The following EPB41L4A variants were observed in gnomAD, a reference collection of about 807,000 sequenced individuals.
EPB41L4A encodes erythrocyte membrane protein band 4.1 like 4A.
EPB41L4A carries 100 observed loss-of-function variants against 108.6 expected under a neutral mutation model. The ratio of observed to expected loss-of-function variants is 0.92; its 90% CI spans 0.78 to 1.09. The LOEUF (loss-of-function observed/expected upper bound fraction) is 1.09, where lower values mean the gene tolerates loss of function less well. EPB41L4A is among the 50% of genes least tolerant of loss of function. The pLI is 0.00. For missense variants in EPB41L4A, 1,030 were observed against 842.7 expected (o/e 1.22, Z -2.75); for synonymous variants, 319 against 289.0 (o/e 1.10, Z -1.05).
chr5:112,170,284 T>C lies in EPB41L4A; in HGVS notation c.1739+17A>G. On this transcript the variant is annotated intron_variant, in intron 20 of 22. Transcript: ENST00000261486. ...CACTAATAAAGCTTTGGTGAGAAGA[T>C]TCTGAAAGGCACTCACTCTATTTTA... The C allele has an allele frequency of 6.2e-7, 1 of 1,610,730 alleles. No individual in the cohort carries two copies. Among genetic ancestry groups the C allele is most frequent in the East Asian group, 2.2e-5 (1 of 44,820 alleles).
intron 1 of EPB41L4A, among the ~76,000 whole-genome samples, chr5:112,349,340 C>T (rs1757887104): frequency 6.6e-6 from 1 of 151,908 alleles, no homozygotes; most frequent in South Asian, 2.1e-4. Context: ...GAGAAGTGAA[C>T]CTTGGAAAGA....
chr5:112,165,005 G>A lies in EPB41L4A; in HGVS notation c.2046C>T (p.Leu682=). 6.2e-7 allele frequency: 1 copy of A among 1,613,682 alleles called. No homozygotes were observed. The highest frequency in any genetic ancestry group is 8.5e-7 in the Non-Finnish European group (1 of 1,179,900). The part of the protein sequence containing the change: ...KTIKTIQASR[L]KTET Reference sequence around the variant, plus strand: ...TTCATCAGGATCAAGTCTCTGTCTTGAGGCGGGAAGCTTGTATAGTTTTTA... The same window carrying A: ...TTCATCAGGATCAAGTCTCTGTCTTAAGGCGGGAAGCTTGTATAGTTTTTA... The change falls in exon 23 of 23, where the codon CTC becomes CTT. Residue 682 remains leucine (L), a synonymous_variant. Transcript: ENST00000261486.
At chr5:112,378,793 C>T (rs376360557) in intron 1 of EPB41L4A, among the ~76,000 whole-genome samples, 89 of 152,302 alleles carry the variant, frequency 5.8e-4, no homozygotes, top group Non-Finnish European at 8.5e-4. Context: ...ACTGAACATA[C>T]AGTCGTTATT....
At chr5:112,213,533 G>C (rs911996391) in intron 12 of EPB41L4A, among the ~76,000 whole-genome samples, 1 of 152,084 alleles carries the variant, frequency 6.6e-6, no homozygotes, top group African/African-American at 2.4e-5. Context: ...ATTTTTAGTA[G>C]AGATGGGGTT....
In EPB41L4A at chr5:112,203,219, G is replaced by A. The variant is rs1010050771; in HGVS notation, c.1376+1156C>T. Among the ~76,000 whole-genome samples, 42 of 152,108 alleles carry A rather than the reference G, an allele frequency of 2.8e-4. 1 individual carries two copies. Among genetic ancestry groups the A allele is most frequent in the African/African-American group, 1.0e-3 (42 of 41,474 alleles). ...AAAAATAAAAAAATTAGCCGGGCCT[G>A]ATGGCGCATGCCTGTAATCCCAGCT... On this transcript the variant is annotated intron_variant, in intron 15 of 22. Transcript: ENST00000261486.
chr5:112,388,435 T>G (rs1379312843), intron 1 of EPB41L4A, among the ~76,000 whole-genome samples: 2 of 152,160 alleles, frequency 1.3e-5, no homozygotes, highest in Admixed American at 6.5e-5. Context: ...GTTTTTAACT[T>G]TATCCAAACT....
In EPB41L4A at chr5:112,215,116, G is replaced by A. The variant is rs1297607238; in HGVS notation, c.1088-5134C>T. On this transcript the variant is annotated intron_variant, in intron 12 of 22. Coordinates refer to ENST00000261486, the MANE Select transcript of EPB41L4A (RefSeq NM_022140.5). ...TCTGTTTCTACCATTTTTGCCACTA[G>A]AGAGGAAAATTCAGGATAATGATCT... Among the ~76,000 whole-genome samples, 16 of 152,142 alleles carry A rather than the reference G, an allele frequency of 1.1e-4. No homozygotes were observed. The South Asian group carries it at 3.1e-3, about 30-fold the overall frequency.
At chr5:112,384,118 T>C (rs1760345289) in intron 1 of EPB41L4A, among the ~76,000 whole-genome samples, 2 of 152,202 alleles carry the variant, frequency 1.3e-5, no homozygotes, top group East Asian at 1.9e-4. Flanking sequence ...ATGGGGGTGA[T>C]AGCTAAAGGA....
chr5:112,364,886 ATG>A (rs1468162362), intron 1 of EPB41L4A, among the ~76,000 whole-genome samples: 1 of 152,254 alleles, frequency 6.6e-6, no homozygotes, highest in East Asian at 1.9e-4. Context: ...TTAGGTCTAA[ATG>A]TAATTTATTA....
At chr5:112,202,712 T>C (rs897269140) in intron 15 of EPB41L4A, among the ~76,000 whole-genome samples, 7 of 151,994 alleles carry the variant, frequency 4.6e-5, no homozygotes, top group Non-Finnish European at 5.9e-5. Flanking sequence ...TCAGTGAAGT[T>C]GAACTTGGTT....
chr5:112,279,497 G>C (rs905615616), intron 3 of EPB41L4A, among the ~76,000 whole-genome samples: 2 of 152,172 alleles, frequency 1.3e-5, no homozygotes, highest in African/African-American at 2.4e-5. Flanking sequence ...AAATGTTTTG[G>C]AGATGGACAG....
intron 1 of EPB41L4A, among the ~76,000 whole-genome samples, chr5:112,377,215 G>GGAAA (rs796162950): frequency 1.9e-4 from 19 of 101,714 alleles, no homozygotes; most frequent in African/African-American, 6.4e-4. Flanking sequence ...CTGTTTGTTT[G>GGAAA]AAAAAAAAAA....
intron 1 of EPB41L4A, among the ~76,000 whole-genome samples, chr5:112,396,974 T>C (rs1031056607): frequency 6.6e-6 from 1 of 152,220 alleles, no homozygotes; most frequent in Non-Finnish European, 1.5e-5. Flanking sequence ...TACATGTGCA[T>C]GTTTGATTCA....
At chr5:112,199,868 C>A (rs1177367072) in intron 15 of EPB41L4A, among the ~76,000 whole-genome samples, 2 of 152,188 alleles carry the variant, frequency 1.3e-5, no homozygotes, top group Non-Finnish European at 2.9e-5. Flanking sequence ...CACCTTGGTC[C>A]ATGCTCCCAT....
At chr5:112,291,680 A>G (rs1037421376) in intron 2 of EPB41L4A, among the ~76,000 whole-genome samples, 3 of 152,180 alleles carry the variant, frequency 2.0e-5, no homozygotes, top group African/African-American at 7.2e-5. Flanking sequence ...ACACCTGGAA[A>G]AGGAATGCTG....
intron 1 of EPB41L4A, among the ~76,000 whole-genome samples, chr5:112,328,317 T>A (rs1561575704): frequency 3.9e-5 from 6 of 152,028 alleles, no homozygotes; most frequent in African/African-American, 1.4e-4. Flanking sequence ...ACAAAAAAAA[T>A]AAAAAATCTT....
At chr5:112,327,552 C>T (rs1306117961) in intron 1 of EPB41L4A, among the ~76,000 whole-genome samples, 1 of 151,944 alleles carries the variant, frequency 6.6e-6, no homozygotes, top group Non-Finnish European at 1.5e-5. Context: ...CCCATCTCTA[C>T]AAAAAATTTA....
chr5:112,270,698 G>T (rs1752205541), intron 4 of EPB41L4A, among the ~76,000 whole-genome samples: 1 of 152,118 alleles, frequency 6.6e-6, no homozygotes, highest in African/African-American at 2.4e-5. Context: ...AGTGAAAGGA[G>T]GAGACAGGGA....
At chr5:112,151,731 C>CTT (rs113895586) in intron 12 of EPB41L4A, among the ~76,000 whole-genome samples, 16 of 147,656 alleles carry the variant, frequency 1.1e-4, no homozygotes, top group Middle Eastern at 3.5e-3. Flanking sequence ...TATATTTAGT[C>CTT]TTTTTTTTTT....
Sources: gnomAD v4.1 joint callset for allele counts (sites outside exome capture counted in the v4.1 genomes callset) on GRCh38, gnomAD v4.1.1 for gene constraint, MANE v1.5 for transcripts, NCBI Gene and HGNC (gene_info 2026-07-23, HGNC 2026-07-21) for gene names.